ABCD3: variants seen among roughly 807,000 people sequenced by gnomAD.
ABCD3 encodes the protein ATP binding cassette subfamily D member 3.
ABCD3 carries 41 observed loss-of-function variants against 105.5 expected under a neutral mutation model. That is an observed-to-expected ratio of 0.39 (90% CI 0.30 to 0.50). ABCD3 has a LOEUF of 0.50. ABCD3 is among the 20% of genes least tolerant of loss of function. ABCD3 has a pLI of 0.84. For synonymous variants in ABCD3, 258 were observed against 269.0 expected, an observed-to-expected ratio of 0.96 and a Z score of 0.40; for missense variants, 622 against 806.3, an observed-to-expected ratio of 0.77 and a Z score of 2.77.
chr1:94,405,755 C>T, the ABCD3 span, among the ~76,000 whole-genome samples: 1 of 152,044 alleles, frequency 6.6e-6, no homozygotes, highest in Non-Finnish European at 1.5e-5. Context: ...CTGTTCTTGT[C>T]ATTTGCCTAT....
rs189625668 is a variant in ABCD3, at chr1:94,435,933, A to G, written c.110+17345A>G. On this transcript the variant is annotated intron_variant, in intron 1 of 22. Coordinates refer to ENST00000370214, the MANE Select transcript of ABCD3 (RefSeq NM_002858.4). ...TTGCTCAATTGTCCCATCTTGGACC[A>G]ATGGGAGCCTCTTTAAGCTGGCTCC... 2.1e-4 allele frequency among the ~76,000 whole-genome samples: 32 copies of G among 152,352 alleles called. No homozygotes were observed. The East Asian group carries it at 6.2e-3, about 29-fold the overall frequency.
At chr1:94,499,723 T>A in intron 20 of ABCD3, 109 bp downstream of exon 20, 1 of 1,351,456 alleles carries the variant, frequency 7.4e-7, no homozygotes, top group Non-Finnish European at 1.0e-6. Flanking sequence ...GCTGTTTCAG[T>A]ATGGATTAGT....
chr1:94,491,301 G>GA, intron 16 of ABCD3, 54 bp downstream of exon 16: 1 of 1,290,952 alleles, frequency 7.7e-7, no homozygotes, highest in Non-Finnish European at 1.1e-6. Flanking sequence ...AATGTGAACT[G>GA]AAAAAGATTA....
intron 10 of ABCD3, among the ~76,000 whole-genome samples, chr1:94,485,449 C>T (rs865786669): frequency 3.9e-5 from 6 of 152,176 alleles, no homozygotes; most frequent in East Asian, 1.9e-4. Flanking sequence ...ATTTTTGCCT[C>T]GTCGGTATTT....
chr1:94,518,137 T>G lies in ABCD3; in HGVS notation c.*1008T>G, dbSNP rs192550195. On this transcript the variant is annotated 3_prime_UTR_variant, in exon 23 of 23. Coordinates refer to ENST00000370214, the MANE Select transcript of ABCD3 (RefSeq NM_002858.4). ...TGAATTATGTTTCCGAGGCACTGTT[T>G]TATCTCTGTGAATCTTGAATAACTT... 2 of 152,326 alleles carry G rather than the reference T, an allele frequency of 1.3e-5. No individual in the cohort carries two copies. Among genetic ancestry groups the G allele is most frequent in the East Asian group, 3.9e-4 (2 of 5,178 alleles). 9.4% of individuals were successfully genotyped at this position (152,326 alleles called of 1,614,324 possible).
At chr1:94,446,669 G>C (rs889581035) in intron 1 of ABCD3, among the ~76,000 whole-genome samples, 3 of 152,110 alleles carry the variant, frequency 2.0e-5, no homozygotes, top group Admixed American at 2.0e-4. Flanking sequence ...AACTATTCAG[G>C]GAAAGAAATT....
chr1:94,430,429 A>G (rs1417345999), intron 1 of ABCD3, among the ~76,000 whole-genome samples: 1 of 152,122 alleles, frequency 6.6e-6, no homozygotes, highest in Non-Finnish European at 1.5e-5. Context: ...TCTCATCTTG[A>G]ATTCCCAGTG....
chr1:94,469,903 G>A (rs1456877291), intron 4 of ABCD3, among the ~76,000 whole-genome samples: 1 of 151,904 alleles, frequency 6.6e-6, no homozygotes, highest in Non-Finnish European at 1.5e-5. Context: ...CTGACCTTGT[G>A]GTCCTCCCGC....
the ABCD3 span, among the ~76,000 whole-genome samples, chr1:94,388,223 C>T: frequency 2.0e-5 from 3 of 152,136 alleles, no homozygotes; most frequent in Non-Finnish European, 4.4e-5. Context: ...TATCTATGAA[C>T]GCCTTTGAAT....
chr1:94,468,095 T>A (rs1473019768), intron 4 of ABCD3, 88 bp downstream of exon 4: 3 of 965,332 alleles, frequency 3.1e-6, no homozygotes, highest in Non-Finnish European at 4.9e-6. Context: ...ACAAATAGAT[T>A]CTAAGTTAGG....
At position 94,489,957 on chromosome 1, in the gene ABCD3, T is replaced by C. The variant is rs774018765; in HGVS notation, c.1304T>C (p.Ile435Thr). 5 of 1,613,012 alleles carry C rather than the reference T, an allele frequency of 3.1e-6. No homozygotes were observed. Among genetic ancestry groups the C allele is most frequent in the Non-Finnish European group, 4.2e-6 (5 of 1,179,292 alleles). ...ATACCTGGTGCTGGAGAAATCATTA[T>C]TGCAGATAACATTATAAAGTACGTA... ...PLIPGAGEII[I>T]ADNIIKFDHV... The change falls in exon 15 of 23, where the codon ATT becomes ACT. Residue 435 changes from isoleucine to threonine, a missense_variant. This residue lies in a region of ABCD3 where 285 missense variants were observed against 352.5 expected (regional missense o/e 0.81). Coordinates refer to ENST00000370214, the MANE Select transcript of ABCD3 (RefSeq NM_002858.4).
chr1:94,393,646 GAAAGA>G, the ABCD3 span, among the ~76,000 whole-genome samples: 12 of 151,616 alleles, frequency 7.9e-5, no homozygotes, highest in African/African-American at 2.7e-4. Context: ...CTCAAAAAAA[GAAAGA>G]AAAGAAAAGA....
the ABCD3 span, among the ~76,000 whole-genome samples, chr1:94,406,223 C>T: frequency 1.7e-4 from 26 of 151,518 alleles, no homozygotes; most frequent in East Asian, 4.6e-3. Flanking sequence ...CTTTATCATA[C>T]ACTAAATTTT....
chr1:94,440,022 C>G (rs146879385), intron 1 of ABCD3, among the ~76,000 whole-genome samples: 1 of 152,336 alleles, frequency 6.6e-6, no homozygotes, highest in East Asian at 1.9e-4. Context: ...GCACACACCA[C>G]TGTGCCTGGC....
chr1:94,503,040 G>A (rs1243787756), intron 20 of ABCD3, among the ~76,000 whole-genome samples: 1 of 152,072 alleles, frequency 6.6e-6, no homozygotes, highest in East Asian at 1.9e-4. Context: ...AATCTTATGA[G>A]ATTTTTTTGT....
At chr1:94,396,509 C>T in the ABCD3 span, among the ~76,000 whole-genome samples, 1 of 152,122 alleles carries the variant, frequency 6.6e-6, no homozygotes, top group Non-Finnish European at 1.5e-5. Context: ...AGTCAGTGCC[C>T]GCCCAGGGAT....
At position 94,469,734 on chromosome 1, in the gene ABCD3, CA is replaced by C. The variant is rs1648359430; in HGVS notation, c.335+1728del. Among the ~76,000 whole-genome samples the C allele has an allele frequency of 2.1e-5, 3 of 139,866 alleles. No individual in the cohort carries two copies. In the Admixed American group the frequency reaches 2.3e-4, roughly 11 times the overall value. 91.8% of individuals were successfully genotyped at this position (139,866 alleles called of 152,430 possible). A position where few individuals can be genotyped will look rare whatever the true frequency, so the allele number is the denominator to read the frequency against. On this transcript the variant is annotated intron_variant, in intron 4 of 22. Transcript: ENST00000370214. Reference sequence around the variant, plus strand: ...AGGCTGGAGTGCAGCGGCGCGATCTCAGCTCACTGCAACCTCTGCCTCCTGG... The same window carrying C: ...AGGCTGGAGTGCAGCGGCGCGATCTCGCTCACTGCAACCTCTGCCTCCTGG...
In ABCD3 at chr1:94,423,097, G is replaced by T. The variant is rs1311441272; in HGVS notation, c.110+4509G>T. Among the ~76,000 whole-genome samples the T allele has an allele frequency of 2.6e-5, 4 of 152,144 alleles. No individual in the cohort carries two copies. In the South Asian group the frequency reaches 6.2e-4, roughly 24 times the overall value. On this transcript the variant is annotated intron_variant, in intron 1 of 22. Transcript: ENST00000370214. Reference sequence around the variant, plus strand: ...TTTGAACAGGCCACACTCATTTTTGGCTTTGGAGCTTTATTCATGCTGTTA... The same window carrying T: ...TTTGAACAGGCCACACTCATTTTTGTCTTTGGAGCTTTATTCATGCTGTTA...
chr1:94,496,251 T>C (rs1407259367), intron 16 of ABCD3, among the ~76,000 whole-genome samples: 1 of 152,190 alleles, frequency 6.6e-6, no homozygotes, highest in Non-Finnish European at 1.5e-5. Context: ...CTCTCCTTCC[T>C]TCCTCTCCCT....
Sources: gnomAD v4.1 joint callset for allele counts (sites outside exome capture counted in the v4.1 genomes callset) on GRCh38, gnomAD v4.1.1 for gene constraint, gnomAD v4.1.1 regional missense constraint, MANE v1.5 for transcripts, NCBI Gene and HGNC (gene_info 2026-07-23, HGNC 2026-07-21) for gene names.